RAB2B: variants seen among roughly 807,000 people sequenced by gnomAD.
RAB2B encodes the protein RAB2B, member RAS oncogene family, also known as ras-related protein Rab-2B.
RAB2B carries 20 observed loss-of-function variants against 29.8 expected under a neutral mutation model. The observed-to-expected ratio is 0.67, with a 90% CI of 0.47 to 0.97. The LOEUF (loss-of-function observed/expected upper bound fraction) is 0.97. RAB2B is among the 50% of genes least tolerant of loss of function. The pLI is 0.00. For synonymous variants in RAB2B, 93 were observed against 91.7 expected (o/e 1.01, Z -0.08); for missense variants, 218 against 272.0 (o/e 0.80, Z 1.40).
chr14:21,466,488 A>G (rs1463878498), intron 5 of RAB2B, among the ~76,000 whole-genome samples: 1 of 152,172 alleles, frequency 6.6e-6, no homozygotes, highest in Non-Finnish European at 1.5e-5. Context: ...ACTCCATCTC[A>G]TAACAAACAA....
Position 21,468,829 on chromosome 14 carries a change from C to T in RAB2B, c.187-77G>A, listed in dbSNP as rs1400305055. 3.6e-6 allele frequency: 3 copies of T among 827,524 alleles called. No individual in the cohort carries two copies. In the East Asian group the frequency reaches 8.5e-5, roughly 23 times the overall value. The allele number at this position is 827,524 out of a possible 1,614,324, so 51.3% of individuals were successfully genotyped here. A position where few individuals can be genotyped will look rare whatever the true frequency, so the allele number is the denominator to read the frequency against. On this transcript the variant is annotated intron_variant, in intron 3 of 7. Transcript: ENST00000397762. The stretch of plus-strand genomic sequence containing the variant: ...ACAGAACCGACTTGATCACATGCCA[C>T]CCTAATACAAAGGACTTAACTAAAA...
chr14:21,462,220 A>AAGG, intron 7 of RAB2B, 130 bp downstream of exon 7: 2 of 571,146 alleles, frequency 3.5e-6, no homozygotes, highest in Non-Finnish European at 5.5e-6. Flanking sequence ...AAAAAAAAAA[A>AAGG]GTGTTGAATT....
intron 3 of RAB2B, among the ~76,000 whole-genome samples, chr14:21,473,570 C>T (rs1255779899): frequency 1.3e-5 from 2 of 152,282 alleles, no homozygotes; most frequent in East Asian, 3.9e-4. Flanking sequence ...CAAACATTGG[C>T]ATAAAAACTT....
chr14:21,474,987 TG>T, intron 2 of RAB2B, 53 bp from the exon 3 acceptor site: 2 of 1,474,414 alleles, frequency 1.4e-6, no homozygotes, highest in Non-Finnish European at 1.9e-6. Flanking sequence ...AGCAGCCACG[TG>T]GAGTGGGAGG....
intron 3 of RAB2B, among the ~76,000 whole-genome samples, chr14:21,470,515 T>C (rs972379587): frequency 6.6e-6 from 1 of 152,044 alleles, no homozygotes; most frequent in South Asian, 2.1e-4. Flanking sequence ...CATAGAAACA[T>C]GTGAGTGAGT....
At chr14:21,463,546 C>G (rs925366785) in intron 6 of RAB2B, 110 bp downstream of exon 6, 1 of 853,458 alleles carries the variant, frequency 1.2e-6, no homozygotes, top group Non-Finnish European at 1.9e-6. Context: ...CGCGCTCGGC[C>G]AAGACATCCT....
At chr14:21,476,681 G>T (rs1435866973) in intron 1 of RAB2B, 82 bp from the exon 2 acceptor site, 2 of 1,611,792 alleles carry the variant, frequency 1.2e-6, no homozygotes, top group African/African-American at 1.3e-5. Context: ...AGAGAAGGGG[G>T]GCTCCCGAGC....
chr14:21,474,602 G>T, intron 3 of RAB2B: 1 of 403,088 alleles, frequency 2.5e-6, no homozygotes, highest in Non-Finnish European at 4.5e-6. Context: ...GTATCAAAAG[G>T]GGACATTTAC....
intron 3 of RAB2B, among the ~76,000 whole-genome samples, chr14:21,470,588 A>G (rs1032336358): frequency 1.3e-5 from 2 of 152,194 alleles, no homozygotes; most frequent in Non-Finnish European, 2.9e-5. Context: ...CCCTGTCATA[A>G]TACTAATAAT....
At chr14:21,469,062 C>T (rs1009166294) in intron 3 of RAB2B, among the ~76,000 whole-genome samples, 19 of 149,932 alleles carry the variant, frequency 1.3e-4, no homozygotes, top group African/African-American at 4.2e-4. Context: ...CCAGTCAGCA[C>T]GATAAAGACG....
intron 2 of RAB2B, among the ~76,000 whole-genome samples, chr14:21,475,154 A>G (rs1444632507): frequency 6.6e-6 from 1 of 152,220 alleles, no homozygotes; most frequent in African/African-American, 2.4e-5. Flanking sequence ...TGACCTCAGG[A>G]ATGTAACCAA....
rs764026181 is a variant in RAB2B, at chr14:21,476,576, G to A, written c.70C>T (p.Leu24=). ...TGGAACCGCTTATCTGTAAACTGCA[G>A]GAGGAGACATGACTTCCCCACACCT... ...DTGVGKSCLL[L]QFTDKRFQPV... Residue 24 remains leucine, a synonymous_variant, in exon 2 of 8, where the codon CTG becomes TTG. Coordinates refer to ENST00000397762, the MANE Select transcript of RAB2B (RefSeq NM_032846.4). 23 of 1,613,610 alleles carry A rather than the reference G, an allele frequency of 1.4e-5. No individual in the cohort carries two copies. In the African/African-American group the frequency reaches 1.5e-4, roughly 10 times the overall value.
intron 3 of RAB2B, among the ~76,000 whole-genome samples, chr14:21,469,731 G>A (rs1462056957): frequency 2.0e-5 from 3 of 152,004 alleles, no homozygotes; most frequent in Non-Finnish European, 4.4e-5. Context: ...ATAATTTATA[G>A]GTTACAAATG....
At chr14:21,469,254 G>A (rs1890752605) in intron 3 of RAB2B, among the ~76,000 whole-genome samples, 1 of 151,926 alleles carries the variant, frequency 6.6e-6, no homozygotes, top group Non-Finnish European at 1.5e-5. Flanking sequence ...GCCAAAACCT[G>A]GTCTAATAGA....
chr14:21,463,801 A>G lies in RAB2B; in HGVS notation c.363-34T>C, dbSNP rs182956110. ...GATTAATTAAGGAGAAAATTTAAAA[A>G]AAAGATCCAAGTGAAAGAGGAAAGT... On this transcript the variant is annotated intron_variant, in intron 5 of 7. Transcript: ENST00000397762. The G allele has an allele frequency of 5.4e-5, 74 of 1,375,032 alleles. No homozygotes were observed. In the East Asian group the frequency reaches 1.7e-3, roughly 31 times the overall value. 85.2% of individuals were successfully genotyped at this position (1,375,032 alleles called of 1,614,324 possible).
Position 21,463,640 on chromosome 14 carries a change from G to C in RAB2B, c.474+16C>G, listed in dbSNP as rs770789633. 2.6e-6 allele frequency: 4 copies of C among 1,520,028 alleles called. 1 individual carries two copies. In the South Asian group the frequency reaches 4.5e-5, roughly 17 times the overall value. 94.2% of individuals were successfully genotyped at this position (1,520,028 alleles called of 1,614,324 possible). Reference sequence around the variant, plus strand: ...TAATCTCTAAAGAGCTTTCCCCACTGTTTTCCAAATAGTACCTCTTCAACA... The same window carrying C: ...TAATCTCTAAAGAGCTTTCCCCACTCTTTTCCAAATAGTACCTCTTCAACA... On this transcript the variant is annotated intron_variant, in intron 6 of 7. Transcript: ENST00000397762.
At chr14:21,468,333 T>C in intron 5 of RAB2B, 24 bp downstream of exon 5, 1 of 1,569,064 alleles carries the variant, frequency 6.4e-7, no homozygotes. Context: ...CTGTTAACTA[T>C]TATTCACATG....
intron 5 of RAB2B, 120 bp downstream of exon 5, chr14:21,468,237 A>AC: frequency 7.0e-6 from 5 of 716,268 alleles, no homozygotes; most frequent in Admixed American, 3.0e-5. Context: ...TATCACAACA[A>AC]AATTTTTTTT....
intron 2 of RAB2B, among the ~76,000 whole-genome samples, chr14:21,476,009 AG>A (rs1253304358): frequency 6.6e-6 from 1 of 152,260 alleles, no homozygotes; most frequent in African/African-American, 2.4e-5. Context: ...CGTGTGGGAA[AG>A]GTTAATATTT....
Sources: allele counts gnomAD v4.1 joint callset (sites outside exome capture counted in the v4.1 genomes callset), GRCh38; gene constraint gnomAD v4.1.1; transcripts MANE v1.5; gene names NCBI Gene and HGNC (gene_info 2026-07-23, HGNC 2026-07-21).